TTLL5: variants seen among roughly 807,000 people sequenced by gnomAD.
The protein encoded by TTLL5 is tubulin polyglutamylase TTLL5.
TTLL5 carries 132 observed loss-of-function variants against 168.4 expected under a neutral mutation model. The ratio of observed to expected loss-of-function variants is 0.78; its 90% CI spans 0.68 to 0.91. The LOEUF (loss-of-function observed/expected upper bound fraction) is 0.91. Among genes scored for constraint, TTLL5 ranks in the 40% least tolerant of loss-of-function variants. The pLI is 0.00. For missense variants in TTLL5, 1,545 were observed against 1,581.5 expected, an observed-to-expected ratio of 0.98 and a Z score of 0.39; for synonymous variants, 546 against 558.6, an observed-to-expected ratio of 0.98 and a Z score of 0.32.
At chr14:75,709,717 C>T (rs569193029) in intron 9 of TTLL5, 19 of 152,104 alleles carry the variant, frequency 1.2e-4, no homozygotes, top group African/African-American at 2.2e-4. Flanking sequence ...CCTGGCCAGG[C>T]GTGGTGGCTC....
intron 24 of TTLL5, 49 bp from the exon 25 acceptor site, chr14:75,782,438 A>G: frequency 7.0e-7 from 1 of 1,432,184 alleles, no homozygotes; most frequent in Non-Finnish European, 9.7e-7. Flanking sequence ...AGAACAGCGG[A>G]CTTGCAATTG....
chr14:75,782,074 G>T (rs987076635), intron 24 of TTLL5, among the ~76,000 whole-genome samples: 7 of 151,906 alleles, frequency 4.6e-5, no homozygotes, highest in African/African-American at 1.7e-4. Context: ...TAGCTTCGCT[G>T]CTCCATATAT....
At chr14:75,746,838 A>G (rs182512774) in intron 17 of TTLL5, among the ~76,000 whole-genome samples, 59 of 152,278 alleles carry the variant, frequency 3.9e-4, no homozygotes, top group Non-Finnish European at 6.3e-4. Flanking sequence ...TGCTGAGATT[A>G]TAGGCGTGAG....
chr14:75,670,861 T>C (rs1214229010), intron 3 of TTLL5, among the ~76,000 whole-genome samples: 1 of 152,214 alleles, frequency 6.6e-6, no homozygotes, highest in Non-Finnish European at 1.5e-5. Context: ...TTGTCTTTCA[T>C]TTTCTTGTTA....
At chr14:75,854,193 G>A (rs529296086) in intron 28 of TTLL5, among the ~76,000 whole-genome samples, 44 of 152,086 alleles carry the variant, frequency 2.9e-4, no homozygotes, top group African/African-American at 9.6e-4. Flanking sequence ...TTTTCCAGTC[G>A]ATACTGCCCC....
At chr14:75,951,061 G>A (rs951080386) in intron 31 of TTLL5, among the ~76,000 whole-genome samples, 1 of 152,002 alleles carries the variant, frequency 6.6e-6, no homozygotes, top group Admixed American at 6.6e-5. Context: ...AACCTTATCT[G>A]GGCCAGGTGT....
chr14:75,728,372 AAAG>A (rs1888320711), intron 12 of TTLL5, among the ~76,000 whole-genome samples: 1 of 151,346 alleles, frequency 6.6e-6, no homozygotes, highest in Admixed American at 6.6e-5. Context: ...AAAAAAAAAA[AAAG>A]AGAGAAAAAG....
chr14:75,706,669 T>G (rs578204191), intron 7 of TTLL5, among the ~76,000 whole-genome samples: 6 of 152,278 alleles, frequency 3.9e-5, no homozygotes, highest in African/African-American at 1.2e-4. Flanking sequence ...CAAGTTTTCA[T>G]TTATTTTTAA....
intron 27 of TTLL5, among the ~76,000 whole-genome samples, chr14:75,796,772 T>G (rs1315672859): frequency 6.6e-6 from 1 of 152,172 alleles, no homozygotes; most frequent in African/African-American, 2.4e-5. Flanking sequence ...TCTATTCTGT[T>G]CTATTGGTCT....
chr14:75,675,361 G>A (rs1024678807), intron 3 of TTLL5, among the ~76,000 whole-genome samples: 1 of 152,092 alleles, frequency 6.6e-6, no homozygotes, highest in African/African-American at 2.4e-5. Context: ...AACCCTTTAA[G>A]GCGTTTCATT....
At chr14:75,669,306 T>C in intron 2 of TTLL5, 110 bp from the exon 3 acceptor site, 1 of 955,744 alleles carries the variant, frequency 1.0e-6, no homozygotes, top group Non-Finnish European at 1.6e-6. Flanking sequence ...TTGGGATTTG[T>C]ATTCCAGAAG....
chr14:75,776,401 T>G (rs1039085300), intron 22 of TTLL5, among the ~76,000 whole-genome samples: 11 of 152,208 alleles, frequency 7.2e-5, no homozygotes, highest in Non-Finnish European at 1.5e-4. Flanking sequence ...AACAAAATAC[T>G]GTGTCTCTGT....
intron 28 of TTLL5, among the ~76,000 whole-genome samples, chr14:75,849,262 G>A (rs937915188): frequency 1.2e-4 from 19 of 152,140 alleles, no homozygotes; most frequent in African/African-American, 4.6e-4. Context: ...CTCTCCTCAA[G>A]AGCTTGTAAT....
rs1449080948 is a variant in TTLL5 at position 75,699,246 on chromosome 14, G to T, written c.561G>T (p.Gly187=). ...TAAAACCAGTGGCATCTTCAAGGGG[G>T]CGGGGCGTCTACCTGATCAACAATG... The part of the protein sequence containing the change: ...WIVKPVASSR[G]RGVYLINNPN... Residue 187 remains glycine, a synonymous_variant, in exon 7 of 32, where the codon GGG becomes GGT. Coordinates refer to ENST00000298832, the MANE Select transcript of TTLL5 (RefSeq NM_015072.5). 1.9e-6 allele frequency: 3 copies of T among 1,613,846 alleles called. No homozygotes were observed. Among genetic ancestry groups the T allele is most frequent in the South Asian group, 1.1e-5 (1 of 91,080 alleles).
intron 31 of TTLL5, among the ~76,000 whole-genome samples, chr14:75,944,875 GC>G (rs1298913159): frequency 6.6e-6 from 1 of 152,140 alleles, no homozygotes; most frequent in Non-Finnish European, 1.5e-5. Flanking sequence ...CAAAATGGCG[GC>G]CTTTAACTGG....
chr14:75,904,036 C>A, intron 31 of TTLL5: 1 of 1,113,656 alleles, frequency 9.0e-7, no homozygotes, highest in East Asian at 7.9e-5. Flanking sequence ...ACCCGGGCCA[C>A]TACTACCTCA....
At chr14:75,947,969 A>G (rs925446673) in intron 31 of TTLL5, among the ~76,000 whole-genome samples, 3 of 151,692 alleles carry the variant, frequency 2.0e-5, no homozygotes, top group Admixed American at 2.0e-4. Flanking sequence ...AATTTTAACT[A>G]CATCATTAAC....
At chr14:75,829,733 A>G (rs902064222) in intron 28 of TTLL5, among the ~76,000 whole-genome samples, 1 of 152,184 alleles carries the variant, frequency 6.6e-6, no homozygotes, top group Admixed American at 6.5e-5. Context: ...TAGGCTACGG[A>G]TAGGTTAAGA....
chr14:75,795,084 C>CTA (rs1286836622), intron 27 of TTLL5, among the ~76,000 whole-genome samples: 7 of 152,044 alleles, frequency 4.6e-5, no homozygotes, highest in Non-Finnish European at 1.0e-4. Context: ...ACAGTTCATT[C>CTA]TACTCTTCTG....
Sources: gnomAD v4.1 joint callset for allele counts (sites outside exome capture counted in the v4.1 genomes callset) on GRCh38, gnomAD v4.1.1 for gene constraint, MANE v1.5 for transcripts, NCBI Gene and HGNC (gene_info 2026-07-23, HGNC 2026-07-21) for gene names.